The following EML5 variants were observed in gnomAD, a reference collection of about 807,000 sequenced individuals.
EML5 encodes the protein echinoderm microtubule-associated protein-like 5.
EML5 carries 120 observed loss-of-function variants against 250.0 expected under a neutral mutation model. That is an observed-to-expected ratio of 0.48 (90% CI 0.41 to 0.56). The LOEUF is 0.56. Among genes scored for constraint, EML5 ranks in the 20% least tolerant of loss-of-function variants. EML5 has a pLI of 0.00. For missense variants in EML5, 2,006 were observed against 2,437.6 expected, an observed-to-expected ratio of 0.82 and a Z score of 3.73; for synonymous variants, 771 against 806.5, an observed-to-expected ratio of 0.96 and a Z score of 0.75.
At chr14:88,736,297 C>T in intron 7 of EML5, 67 bp downstream of exon 7, 1 of 1,562,982 alleles carries the variant, frequency 6.4e-7, no homozygotes, top group Non-Finnish European at 8.8e-7. Context: ...CAGTGCCTGG[C>T]CATGTTTTCT....
At chr14:88,760,880 TG>T (rs1429730071) in intron 1 of EML5, among the ~76,000 whole-genome samples, 1 of 152,192 alleles carries the variant, frequency 6.6e-6, no homozygotes, top group Non-Finnish European at 1.5e-5. Context: ...GCATAGATTT[TG>T]TAAAATTTAT....
At chr14:88,741,050 T>C (rs2093917692) in intron 4 of EML5, among the ~76,000 whole-genome samples, 1 of 151,914 alleles carries the variant, frequency 6.6e-6, no homozygotes, top group Non-Finnish European at 1.5e-5. Context: ...GTAATCCCAG[T>C]TACTCGGGAG....
At chr14:88,617,078 T>A in intron 41 of EML5, 199 bp from the exon 42 acceptor site, 1 of 460,072 alleles carries the variant, frequency 2.2e-6, no homozygotes, top group Non-Finnish European at 3.9e-6. Flanking sequence ...CATTTTATAA[T>A]TTGAAGGGTT....
chr14:88,702,271 A>G (rs968391754), intron 14 of EML5, among the ~76,000 whole-genome samples, 175 bp downstream of exon 14: 11 of 152,188 alleles, frequency 7.2e-5, no homozygotes, highest in Non-Finnish European at 1.6e-4. Flanking sequence ...TAAAAACTCT[A>G]AAACTGTAGG....
At chr14:88,786,755 C>T (rs373189120) in intron 1 of EML5, among the ~76,000 whole-genome samples, 6 of 152,096 alleles carry the variant, frequency 3.9e-5, no homozygotes, top group East Asian at 1.9e-4. Context: ...CTCGTGCTGC[C>T]GCCATGTAAG....
At position 88,727,495 on chromosome 14, in the gene EML5, G is replaced by C. The variant is rs578059638; in HGVS notation, c.1050-817C>G. 8.1e-5 allele frequency among the ~76,000 whole-genome samples: 12 copies of C among 148,188 alleles called. No homozygotes were observed. In the South Asian group the frequency reaches 2.1e-3, roughly 26 times the overall value. ...CGGCTCACTGCAACCTCCGCCTCCCGGGTTCAAGCAATTCTCCTGCCTCAG... is the reference window on the plus strand; with the variant it reads ...CGGCTCACTGCAACCTCCGCCTCCCCGGTTCAAGCAATTCTCCTGCCTCAG... On this transcript the variant is annotated intron_variant, in intron 7 of 43. Coordinates refer to ENST00000554922, the MANE Select transcript of EML5 (RefSeq NM_183387.3).
In EML5 at chr14:88,778,247, A is replaced by G. The variant is rs141857574; in HGVS notation, c.197+14060T>C. 6.2e-4 allele frequency among the ~76,000 whole-genome samples: 94 copies of G among 152,338 alleles called. 1 individual carries two copies. In the East Asian group the frequency reaches 0.016, roughly 26 times the overall value. On this transcript the variant is annotated intron_variant, in intron 1 of 43. Transcript: ENST00000554922. The stretch of plus-strand genomic sequence containing the variant: ...GGAAAAAAAAGACAATGAAACAACA[A>G]GAAAACAAATAACAAAACAGCAAGA...
At chr14:88,677,223 A>T (rs1022728690) in intron 21 of EML5, among the ~76,000 whole-genome samples, 19 of 152,274 alleles carry the variant, frequency 1.2e-4, no homozygotes, top group African/African-American at 4.3e-4. Context: ...TATTTAATAA[A>T]TGATGCTGGG....
At chr14:88,769,212 T>C (rs533761735) in intron 1 of EML5, among the ~76,000 whole-genome samples, 4 of 152,302 alleles carry the variant, frequency 2.6e-5, no homozygotes, top group Non-Finnish European at 4.4e-5. Context: ...TGGAGCCTGA[T>C]AGGAGATAAC....
At position 88,667,364 on chromosome 14, in the gene EML5, A is replaced by G. The variant is rs182542904; in HGVS notation, c.3125-1875T>C. Among the ~76,000 whole-genome samples the G allele has an allele frequency of 2.0e-5, 3 of 152,282 alleles. No homozygotes were observed. In the East Asian group the frequency reaches 5.8e-4, roughly 29 times the overall value. On this transcript the variant is annotated intron_variant, in intron 21 of 43. Coordinates refer to ENST00000554922, the MANE Select transcript of EML5 (RefSeq NM_183387.3). ...TGTTAAAAGAATATTCCTTGTGTTA[A>G]AAGAATATAAGACCGTGACTAAATT...
At chr14:88,745,922 G>T (rs1025708612) in intron 3 of EML5, among the ~76,000 whole-genome samples, 2 of 151,736 alleles carry the variant, frequency 1.3e-5, no homozygotes, top group Admixed American at 1.3e-4. Context: ...ATGTACCCCA[G>T]AACTTAAAAG....
rs1355953312 is a variant in EML5 at position 88,704,842 on chromosome 14, AAGAT to A, written c.2051+14_2051+17del. 10 of 1,577,958 alleles carry A rather than the reference AAGAT, an allele frequency of 6.3e-6. No homozygotes were observed. Among genetic ancestry groups the A allele is most frequent in the African/African-American group, 1.4e-5 (1 of 73,630 alleles). On this transcript the variant is annotated intron_variant, in intron 13 of 43. Transcript: ENST00000554922. ...AACCAAAATTCAAACAAATAAATGAAAGATAGTTGTTTTATACCCGTGAACAAAG... is the reference window on the plus strand; with the variant it reads ...AACCAAAATTCAAACAAATAAATGAAAGTTGTTTTATACCCGTGAACAAAG...
In EML5 at chr14:88,708,296, C is replaced by A. The variant is rs1163735761; in HGVS notation, c.1658-1870G>T. 2.0e-5 allele frequency among the ~76,000 whole-genome samples: 3 copies of A among 151,924 alleles called. No homozygotes were observed. In the East Asian group the frequency reaches 5.8e-4, roughly 29 times the overall value. On this transcript the variant is annotated intron_variant, in intron 10 of 43. Coordinates refer to ENST00000554922, the MANE Select transcript of EML5 (RefSeq NM_183387.3). ...TGAAATGACTTTGACTCACCAAGAC[C>A]AAGTTACATGCTTCCAGAATTCTCT...
rs549058490 is a variant in EML5 at position 88,697,952 on chromosome 14, G to C, written c.2239-1000C>G. Among the ~76,000 whole-genome samples the C allele has an allele frequency of 1.3e-3, 202 of 152,060 alleles. 1 individual carries two copies. The highest frequency in any genetic ancestry group is 4.4e-3 in the African/African-American group (181 of 41,478). Reference sequence around the variant, plus strand: ...GGGTTTCTCCATGTTGGTCAGGCTGGTCTCAAACTCCCGACCTCAGGTGAT... The same window carrying C: ...GGGTTTCTCCATGTTGGTCAGGCTGCTCTCAAACTCCCGACCTCAGGTGAT... On this transcript the variant is annotated intron_variant, in intron 14 of 43. Coordinates refer to ENST00000554922, the MANE Select transcript of EML5 (RefSeq NM_183387.3).
intron 1 of EML5, among the ~76,000 whole-genome samples, chr14:88,766,411 C>T (rs1474051717): frequency 1.3e-5 from 2 of 152,100 alleles, no homozygotes; most frequent in African/African-American, 2.4e-5. Context: ...CTAAAATGGC[C>T]GCTTTGGGAA....
chr14:88,782,842 G>A (rs538087359), intron 1 of EML5, among the ~76,000 whole-genome samples: 3 of 152,334 alleles, frequency 2.0e-5, no homozygotes, highest in East Asian at 1.9e-4. Flanking sequence ...CACTTTGGGA[G>A]GCTGAGGTGG....
chr14:88,702,429 C>T lies in EML5; in HGVS notation c.2238+17G>A, dbSNP rs1482060931. 1.3e-6 allele frequency: 2 copies of T among 1,582,840 alleles called. No individual in the cohort carries two copies. The highest frequency in any genetic ancestry group is 1.8e-5 in the Admixed American group (1 of 54,894). On this transcript the variant is annotated intron_variant, in intron 14 of 43. Transcript: ENST00000554922. ...AGGTGTAGCTTATCTGGCTTATTGT[C>T]AGTCTTTCAAACCTACCTGGCCTGT...
At chr14:88,625,372 C>A in intron 35 of EML5, 1 of 429,364 alleles carries the variant, frequency 2.3e-6, no homozygotes, top group Non-Finnish European at 4.1e-6. Context: ...TTCTTCCCTT[C>A]CAATTCTAAC....
chr14:88,778,965 A>C (rs779266911), intron 1 of EML5, among the ~76,000 whole-genome samples: 1 of 152,196 alleles, frequency 6.6e-6, no homozygotes, highest in African/African-American at 2.4e-5. Flanking sequence ...TTAGGAGCCT[A>C]TGTGATGAAA....
Sources: allele counts gnomAD v4.1 joint callset (sites outside exome capture counted in the v4.1 genomes callset), GRCh38; gene constraint gnomAD v4.1.1; transcripts MANE v1.5; gene names NCBI Gene and HGNC (gene_info 2026-07-23, HGNC 2026-07-21).